The following CADPS2 variants were observed in gnomAD, a reference collection of about 807,000 sequenced individuals.
The protein encoded by CADPS2 is calcium dependent secretion activator 2.
A neutral mutation model predicts 172.5 loss-of-function variants in CADPS2; 93 were observed. That is an observed-to-expected ratio of 0.54 (90% confidence interval 0.46 to 0.64). The LOEUF is 0.64. Among genes scored for constraint, CADPS2 ranks in the 30% least tolerant of loss-of-function variants. The pLI, the probability that CADPS2 is intolerant of heterozygous loss-of-function variation, is 0.00. For missense variants in CADPS2, 1,420 were observed against 1,565.9 expected (o/e 0.91, Z 1.57); for synonymous variants, 546 against 555.2 (o/e 0.98, Z 0.23).
At chr7:122,580,282 C>A (rs1381669911) in intron 7 of CADPS2, among the ~76,000 whole-genome samples, 2 of 151,726 alleles carry the variant, frequency 1.3e-5, no homozygotes, top group African/African-American at 4.8e-5. Context: ...TGGTGAAACC[C>A]CATCTCTACT....
In CADPS2 at chr7:122,723,663, T is replaced by C. The variant is rs1318312148; in HGVS notation, c.453+13292A>G. Among the ~76,000 whole-genome samples, 6 of 152,078 alleles carry C rather than the reference T, an allele frequency of 3.9e-5. No individual in the cohort carries two copies. The South Asian group carries it at 8.3e-4, about 21-fold the overall frequency. On this transcript the variant is annotated intron_variant, in intron 2 of 29. Coordinates refer to ENST00000449022, the MANE Select transcript of CADPS2 (RefSeq NM_017954.11). ...GAACTAGAAATACCATTTGACCCAG[T>C]CATCCCATTACTGGGTATATACCCA... is the stretch of plus-strand genomic sequence containing the variant.
intron 1 of CADPS2, among the ~76,000 whole-genome samples, chr7:122,826,686 G>T (rs1804987715): frequency 6.6e-6 from 1 of 152,030 alleles, no homozygotes; most frequent in Non-Finnish European, 1.5e-5. Flanking sequence ...AAAATGCATT[G>T]GTTGGACTCA....
chr7:122,642,815 T>C (rs1192918788), intron 3 of CADPS2, among the ~76,000 whole-genome samples: 2 of 152,118 alleles, frequency 1.3e-5, no homozygotes, highest in African/African-American at 4.8e-5. Context: ...TTTGTATATG[T>C]TAATCCTAGT....
At chr7:122,378,745 C>T (rs2042643348) in intron 25 of CADPS2, 1 of 152,212 alleles carries the variant, frequency 6.6e-6, no homozygotes, top group African/African-American at 2.4e-5. Context: ...CTCTCATGTT[C>T]TCTCTTCCTT....
intron 1 of CADPS2, among the ~76,000 whole-genome samples, chr7:122,866,676 G>A (rs756273660): frequency 6.6e-6 from 1 of 152,156 alleles, no homozygotes; most frequent in Non-Finnish European, 1.5e-5. Context: ...ACTACAGCCT[G>A]GGCAAAAGGG....
intron 6 of CADPS2, among the ~76,000 whole-genome samples, chr7:122,591,783 C>T (rs990074064): frequency 1.5e-4 from 23 of 152,130 alleles, no homozygotes; most frequent in South Asian, 8.3e-4. Flanking sequence ...TGGCTAGCCA[C>T]ATGTAGAAAG....
intron 14 of CADPS2, among the ~76,000 whole-genome samples, chr7:122,451,903 G>A (rs1265297297): frequency 6.6e-6 from 1 of 152,116 alleles, no homozygotes; most frequent in Non-Finnish European, 1.5e-5. Context: ...CACAGAACTG[G>A]AGATTTAATT....
chr7:122,533,157 G>A (rs2061931679), intron 8 of CADPS2, among the ~76,000 whole-genome samples: 1 of 151,816 alleles, frequency 6.6e-6, no homozygotes. Flanking sequence ...TTGTCTATTT[G>A]TGCCAGATGC....
intron 1 of CADPS2, among the ~76,000 whole-genome samples, chr7:122,834,427 A>G (rs1807595841): frequency 6.6e-6 from 1 of 152,130 alleles, no homozygotes; most frequent in South Asian, 2.1e-4. Flanking sequence ...GAGGTGTGTC[A>G]AACAGTGGGT....
At chr7:122,645,366 T>C (rs1280218133) in intron 3 of CADPS2, among the ~76,000 whole-genome samples, 25 of 63,346 alleles carry the variant, frequency 3.9e-4, no homozygotes, top group African/African-American at 1.4e-3. Flanking sequence ...TACATGTACA[T>C]GTATACACAC....
chr7:122,547,976 T>A (rs2063795705), intron 8 of CADPS2, among the ~76,000 whole-genome samples: 1 of 152,166 alleles, frequency 6.6e-6, no homozygotes, highest in African/African-American at 2.4e-5. Context: ...AATTATACAA[T>A]CACATGAATG....
intron 3 of CADPS2, among the ~76,000 whole-genome samples, chr7:122,641,748 A>G (rs2077667098): frequency 6.6e-6 from 1 of 152,168 alleles, no homozygotes; most frequent in South Asian, 2.1e-4. Context: ...TGAATGGTCC[A>G]TGATTTTATT....
At chr7:122,580,646 A>G (rs2068690068) in intron 7 of CADPS2, among the ~76,000 whole-genome samples, 2 of 152,100 alleles carry the variant, frequency 1.3e-5, no homozygotes, top group Non-Finnish European at 2.9e-5. Flanking sequence ...GTAAACATAT[A>G]TATATTCTAG....
At chr7:122,424,534 G>A (rs1320268477) in intron 17 of CADPS2, 1 of 152,600 alleles carries the variant, frequency 6.6e-6, no homozygotes, top group Non-Finnish European at 1.5e-5. Flanking sequence ...GACTCTGTAA[G>A]ACTATCTTGG....
At chr7:122,723,246 C>A (rs539781897) in intron 2 of CADPS2, among the ~76,000 whole-genome samples, 2 of 152,106 alleles carry the variant, frequency 1.3e-5, no homozygotes, top group South Asian at 2.1e-4. Context: ...AACAGGCAAC[C>A]TACAGAATGG....
chr7:122,391,626 TG>T (rs923290719), intron 22 of CADPS2, among the ~76,000 whole-genome samples: 1 of 152,096 alleles, frequency 6.6e-6, no homozygotes, highest in African/African-American at 2.4e-5. Context: ...AGCATTTGCC[TG>T]TAAGAAAAAA....
chr7:122,838,283 A>T (rs1454602765), intron 1 of CADPS2, among the ~76,000 whole-genome samples: 1 of 152,228 alleles, frequency 6.6e-6, no homozygotes, highest in East Asian at 1.9e-4. Context: ...CATATCTCAA[A>T]ATAATAAGAG....
intron 14 of CADPS2, among the ~76,000 whole-genome samples, chr7:122,460,245 G>A (rs1296560951): frequency 6.6e-6 from 1 of 151,580 alleles, no homozygotes; most frequent in Non-Finnish European, 1.5e-5. Flanking sequence ...TTACTAGAAA[G>A]TAAAATAATT....
At chr7:122,704,323 G>GT (rs1392926964) in intron 2 of CADPS2, among the ~76,000 whole-genome samples, 1 of 151,256 alleles carries the variant, frequency 6.6e-6, no homozygotes, top group East Asian at 1.9e-4. Context: ...CATGATTCAG[G>GT]TAACACCTGA....
Sources: allele counts gnomAD v4.1 joint callset (sites outside exome capture counted in the v4.1 genomes callset), GRCh38; gene constraint gnomAD v4.1.1; transcripts MANE v1.5; gene names NCBI Gene and HGNC (gene_info 2026-07-23, HGNC 2026-07-21).